ZNF519: variants seen among roughly 807,000 people sequenced by gnomAD.
The protein encoded by ZNF519 is zinc finger protein 519, also known as similar to Zinc finger protein 85 (Zinc finger protein HPF4) (HTF1).
ZNF519 carries 7 observed loss-of-function variants against 7.4 expected under a neutral mutation model. The ratio of observed to expected loss-of-function variants is 0.94; its 90% CI spans 0.54 to 1.77. The LOEUF (loss-of-function observed/expected upper bound fraction) is 1.77. Ranked by LOEUF, ZNF519 falls within the 40% of genes most tolerant of loss-of-function variation. The pLI is 0.00. For missense variants in ZNF519, 586 were observed against 623.1 expected (o/e 0.94, Z 0.63); for synonymous variants, 179 against 203.3 (o/e 0.88, Z 1.02).
chr18:14,098,793 T>G (rs895408219), downstream of ZNF519, among the ~76,000 whole-genome samples: 19 of 152,170 alleles, frequency 1.2e-4, no homozygotes, highest in Non-Finnish European at 2.4e-4. Flanking sequence ...CCGATGACAT[T>G]TGTTAATATC....
At chr18:14,081,894 A>C (rs1403971898) in intron 3 of ZNF519, among the ~76,000 whole-genome samples, 1 of 152,174 alleles carries the variant, frequency 6.6e-6, no homozygotes, top group African/African-American at 2.4e-5. Context: ...ATGTTCTTAA[A>C]ATTTTATGCC....
intron 2 of ZNF519, among the ~76,000 whole-genome samples, chr18:14,089,202 C>T (rs115752847): frequency 0.016 from 2,395 of 152,202 alleles, 65 homozygotes; most frequent in African/African-American, 0.055. Flanking sequence ...AAATGAAAGT[C>T]ATTTTATTCA....
At position 14,105,767 on chromosome 18, in the gene ZNF519, ATTATC is replaced by A. The variant is rs1318904146; in HGVS notation, c.768_772del (p.Lys256AsnfsTer2). On this transcript the variant is annotated frameshift_variant, in exon 3 of 3. Coordinates refer to ENST00000590202, the MANE Select transcript of ZNF519 (RefSeq NM_145287.4). LOFTEE classifies it low-confidence loss of function (END_TRUNC). ...TTTCACTGATTTTTCTCCAGTGTTA[ATTATC>A]TTATGTCCCTTTAGATGTGATTGAC... 6.2e-7 allele frequency: 1 copy of A among 1,613,676 alleles called. No individual in the cohort carries two copies. The highest frequency in any genetic ancestry group is 1.3e-5 in the African/African-American group (1 of 74,856).
chr18:14,124,614 C>A, intron 1 of ZNF519, 138 bp from the exon 2 acceptor site: 1 of 1,062,292 alleles, frequency 9.4e-7, no homozygotes, highest in South Asian at 1.6e-5. Context: ...TTCTCTAAAG[C>A]ATTCTATAAC....
intron 2 of ZNF519, among the ~76,000 whole-genome samples, chr18:14,086,927 C>T (rs1046271962): frequency 7.3e-4 from 9 of 12,332 alleles, no homozygotes; most frequent in Non-Finnish European, 1.3e-3. Flanking sequence ...CAGACAAGGA[C>T]ATAACAACAA....
intron 2 of ZNF519, among the ~76,000 whole-genome samples, chr18:14,116,399 A>T (rs1399399171): frequency 6.6e-6 from 1 of 152,194 alleles, no homozygotes; most frequent in Non-Finnish European, 1.5e-5. Flanking sequence ...TAGAGGCACC[A>T]CACTTCCTGT....
chr18:14,123,788 T>C (rs2046281934), intron 2 of ZNF519, among the ~76,000 whole-genome samples: 1 of 152,196 alleles, frequency 6.6e-6, no homozygotes, highest in South Asian at 2.1e-4. Flanking sequence ...TTTATGTCAT[T>C]CAATTTCTAA....
At chr18:14,083,211 G>A (rs9947365) in intron 3 of ZNF519, among the ~76,000 whole-genome samples, 120,011 of 152,078 alleles carry the variant, frequency 0.79, 47,705 homozygotes, top group African/African-American at 0.89. Context: ...TCAGCCGGGC[G>A]TGGTGATGTG....
intron 1 of ZNF519, among the ~76,000 whole-genome samples, chr18:14,127,089 C>G (rs1040326557): frequency 6.6e-6 from 1 of 152,218 alleles, no homozygotes; most frequent in Non-Finnish European, 1.5e-5. Flanking sequence ...ATACTCTACT[C>G]CACTAACAGT....
chr18:14,102,750 T>C lies in ZNF519; in HGVS notation c.*2167A>G, dbSNP rs1356886293. The C allele has an allele frequency of 2.0e-5, 3 of 152,094 alleles. No individual in the cohort carries two copies. The highest frequency in any genetic ancestry group is 2.9e-5 in the Non-Finnish European group (2 of 67,998). The allele number at this position is 152,094 out of a possible 1,614,324, so 9.4% of individuals were successfully genotyped here. A position where few individuals can be genotyped will look rare whatever the true frequency, so the allele number is the denominator to read the frequency against. On this transcript the variant is annotated 3_prime_UTR_variant, in exon 3 of 3. Coordinates refer to ENST00000590202, the MANE Select transcript of ZNF519 (RefSeq NM_145287.4). ...TACAACCAATTTTGTTAAGTTTAGCTTTTTTAATAAAACAATAAAACTAAA... is the reference window on the plus strand; with the variant it reads ...TACAACCAATTTTGTTAAGTTTAGCCTTTTTAATAAAACAATAAAACTAAA...
intron 2 of ZNF519, among the ~76,000 whole-genome samples, chr18:14,117,215 A>C (rs2046250356): frequency 6.6e-6 from 1 of 152,228 alleles, no homozygotes; most frequent in Non-Finnish European, 1.5e-5. Context: ...AACACCCAGA[A>C]TATATAAACT....
intron 2 of ZNF519, among the ~76,000 whole-genome samples, chr18:14,107,984 C>T (rs1294052295): frequency 2.6e-5 from 4 of 152,140 alleles, no homozygotes; most frequent in Admixed American, 6.5e-5. Flanking sequence ...ATGGGCTTGC[C>T]GAGAGCCTGA....
At chr18:14,114,019 TTACA>T (rs1312561914) in intron 2 of ZNF519, among the ~76,000 whole-genome samples, 3 of 152,194 alleles carry the variant, frequency 2.0e-5, no homozygotes, top group African/African-American at 7.2e-5. Flanking sequence ...TTTGTGTGCC[TTACA>T]TAATCTGGTT....
Position 14,105,669 on chromosome 18 carries a change from GTT to G in ZNF519, c.869_870del (p.Lys290ThrfsTer5). On this transcript the variant is annotated frameshift_variant, in exon 3 of 3. Transcript: ENST00000590202. LOFTEE classifies it low-confidence loss of function (END_TRUNC). ...TTGTCACATTTTTTACATTTGTAAG[GTT>G]TCTCTCCAGTATGAATTTTCTGATG... ...LGHQKIHTGE[K>X]PYKCKKCDKA... 1 of 1,613,564 alleles carries G rather than the reference GTT, an allele frequency of 6.2e-7. No homozygotes were observed. Among genetic ancestry groups the G allele is most frequent in the Non-Finnish European group, 8.5e-7 (1 of 1,179,908 alleles).
intron 3 of ZNF519, among the ~76,000 whole-genome samples, chr18:14,081,115 C>T (rs1293533974): frequency 2.0e-5 from 3 of 152,100 alleles, no homozygotes; most frequent in Admixed American, 6.5e-5. Flanking sequence ...TCCAAACTAA[C>T]AGAATGTACC....
chr18:14,132,251 G>A (rs769354737), intron 1 of ZNF519, 24 bp downstream of exon 1: 1 of 1,613,646 alleles, frequency 6.2e-7, no homozygotes, highest in East Asian at 2.2e-5. Flanking sequence ...CCCAGTCTCG[G>A]TACGCCCTGC....
intron 2 of ZNF519, among the ~76,000 whole-genome samples, chr18:14,111,325 C>T (rs1362880822): frequency 1.3e-5 from 2 of 150,654 alleles, no homozygotes; most frequent in East Asian, 2.0e-4. Flanking sequence ...TCCAACATGG[C>T]GAAACCCCGT....
Position 14,106,363 on chromosome 18 carries a change from T to C in ZNF519, c.177A>G (p.Ile59Met), listed in dbSNP as rs2046192597. The C allele has an allele frequency of 1.2e-6, 2 of 1,612,016 alleles. No individual in the cohort carries two copies. Among genetic ancestry groups the C allele is most frequent in the African/African-American group, 2.7e-5 (2 of 74,682 alleles). Residue 59 changes from isoleucine (I) to methionine (M), a missense_variant, in exon 3 of 3, where the codon ATA becomes ATG. Transcript: ENST00000590202. ...GTGTTGCTTTTTTGAATGAATCTTGTATGCCTTGCTCTGGTAAAATGCCTT... is the reference window on the plus strand; with the variant it reads ...GTGTTGCTTTTTTGAATGAATCTTGCATGCCTTGCTCTGGTAAAATGCCTT... The part of the protein sequence containing the change: ...YNQGILPEQG[I>M]QDSFKKATLG...
chr18:14,084,189 ACTT>A, intron 3 of ZNF519: 1 of 152,172 alleles, frequency 6.6e-6, no homozygotes, highest in African/African-American at 2.4e-5. Context: ...CCACAGTGTG[ACTT>A]TCACCTGGGA....
Sources: allele counts gnomAD v4.1 joint callset (sites outside exome capture counted in the v4.1 genomes callset), GRCh38; gene constraint gnomAD v4.1.1; transcripts MANE v1.5; gene names NCBI Gene and HGNC (gene_info 2026-07-23, HGNC 2026-07-21).